RLF: variants seen among roughly 807,000 people sequenced by gnomAD.
The protein encoded by RLF is zinc finger protein Rlf.
RLF carries 7 observed loss-of-function variants against 162.9 expected under a neutral mutation model. The ratio of observed to expected loss-of-function variants is 0.04; its 90% CI spans 0.02 to 0.08. The LOEUF (loss-of-function observed/expected upper bound fraction) is 0.08. Among genes scored for constraint, RLF ranks in the 10% least tolerant of loss-of-function variants. RLF has a pLI of 1.00. For synonymous variants in RLF, 782 were observed against 791.5 expected, an observed-to-expected ratio of 0.99 and a Z score of 0.20; for missense variants, 1,664 against 2,244.7, an observed-to-expected ratio of 0.74 and a Z score of 5.23.
chr1:40,200,936 A>G (rs1250022142), intron 4 of RLF, among the ~76,000 whole-genome samples: 1 of 112,644 alleles, frequency 8.9e-6, no homozygotes, highest in Admixed American at 9.9e-5. Flanking sequence ...ACACACACAC[A>G]CACTGGTTTA....
At chr1:40,181,576 A>T (rs1251231690) in intron 1 of RLF, among the ~76,000 whole-genome samples, 1 of 152,184 alleles carries the variant, frequency 6.6e-6, no homozygotes. Context: ...TGTGTCTTTT[A>T]TGGATAACTC....
chr1:40,192,795 CT>C (rs1642576663), intron 3 of RLF, among the ~76,000 whole-genome samples: 1 of 152,072 alleles, frequency 6.6e-6, no homozygotes, highest in Non-Finnish European at 1.5e-5. Flanking sequence ...ATTAAGGATA[CT>C]TTTGGTAAGA....
chr1:40,206,824 C>T (rs549645089), intron 5 of RLF, among the ~76,000 whole-genome samples: 1 of 152,280 alleles, frequency 6.6e-6, no homozygotes, highest in East Asian at 1.9e-4. Context: ...GAATTGCCTT[C>T]CACAAGATAA....
At chr1:40,224,628 T>A (rs1357540553) in intron 6 of RLF, among the ~76,000 whole-genome samples, 1 of 42,526 alleles carries the variant, frequency 2.4e-5, no homozygotes, top group Non-Finnish European at 4.3e-5. Flanking sequence ...GAAAGCTTTT[T>A]TTTTTTTTTT....
intron 5 of RLF, among the ~76,000 whole-genome samples, chr1:40,213,367 G>GT (rs1466808021): frequency 1.3e-5 from 2 of 152,104 alleles, no homozygotes; most frequent in Admixed American, 1.3e-4. Flanking sequence ...TCAGCAGGAC[G>GT]TTTCAGCCTT....
At chr1:40,203,353 T>A (rs1486636739) in intron 5 of RLF, among the ~76,000 whole-genome samples, 1 of 151,916 alleles carries the variant, frequency 6.6e-6, no homozygotes, top group Non-Finnish European at 1.5e-5. Context: ...TGACTTCAAC[T>A]GATCCACCTG....
chr1:40,236,235 C>T lies in RLF; in HGVS notation c.1533C>T (p.Leu511=), dbSNP rs1643216072. The change falls in exon 8 of 8, where the codon CTC becomes CTT. Residue 511 remains leucine (L), a synonymous_variant. Transcript: ENST00000372771. The surrounding 1 kb of genome is among the most constrained non-coding windows in gnomAD (Gnocchi z 7.7). ...ACACAGATGTTTTAGAGTCATTTCT[C>T]AGTGACTATGATGAGGGTAAAGAAG... is the stretch of plus-strand genomic sequence containing the variant. ...INDTDVLESF[L]SDYDEGKEDK... 3 of 1,613,122 alleles carry T rather than the reference C, an allele frequency of 1.9e-6. No homozygotes were observed. Among genetic ancestry groups the T allele is most frequent in the East Asian group, 4.5e-5 (2 of 44,868 alleles).
chr1:40,239,762 A>G lies in RLF; in HGVS notation c.5060A>G (p.Asn1687Ser), dbSNP rs760181540. The G allele has an allele frequency of 1.8e-5, 29 of 1,614,184 alleles. 3 individuals are homozygous for G. The South Asian group carries it at 3.1e-4, about 17-fold the overall frequency. Reference sequence around the variant, plus strand: ...AAAACCACTTCCCTAGAACAGTGTAATATAGTTCAGCCTCCTCCTCCTTGT... The same window carrying G: ...AAAACCACTTCCCTAGAACAGTGTAGTATAGTTCAGCCTCCTCCTCCTTGT... ...SSKTTSLEQC[N>S]IVQPPPPCKI... Residue 1687 changes from asparagine to serine, a missense_variant, in exon 8 of 8, where the codon AAT becomes AGT. Around this residue, in one of 15 missense-constraint regions of RLF, gnomAD observed 327 missense variants for 342.7 expected, o/e 0.95. Transcript: ENST00000372771.
chr1:40,230,395 G>A (rs1036940997), intron 6 of RLF, among the ~76,000 whole-genome samples: 15 of 152,094 alleles, frequency 9.9e-5, no homozygotes, highest in Non-Finnish European at 1.8e-4. Flanking sequence ...CATGTATTAA[G>A]TGATAGCATT....
chr1:40,233,576 A>G (rs2124560673), intron 7 of RLF, among the ~76,000 whole-genome samples: 1 of 152,366 alleles, frequency 6.6e-6, no homozygotes, highest in Admixed American at 6.5e-5. Context: ...CTGTGGAGCC[A>G]CTAAAGCAAC....
At chr1:40,211,106 T>A (rs1390072772) in intron 5 of RLF, among the ~76,000 whole-genome samples, 1 of 152,230 alleles carries the variant, frequency 6.6e-6, no homozygotes, top group African/African-American at 2.4e-5. Context: ...GGTGAGTAGT[T>A]GTAACAGAAA....
chr1:40,212,779 A>G (rs2124548315), intron 5 of RLF, among the ~76,000 whole-genome samples: 1 of 152,234 alleles, frequency 6.6e-6, no homozygotes, highest in East Asian at 1.9e-4. Flanking sequence ...CCAGCCTAAC[A>G]CTGTTGGGAA....
intron 1 of RLF, among the ~76,000 whole-genome samples, chr1:40,182,749 A>ATAGGTAGG (rs147002616): frequency 0.014 from 1,537 of 111,042 alleles, 19 homozygotes; most frequent in African/African-American, 0.051. Context: ...AGACAGATAG[A>ATAGGTAGG]TAGGTAGATA....
Position 40,225,304 on chromosome 1 carries a change from C to T in RLF, c.947+2594C>T, listed in dbSNP as rs185339674. ...GTAAACTATGTAGCTATTGGCCAGG[C>T]GCAGTAGCTCACGCCTGTAATCCCA... On this transcript the variant is annotated intron_variant, in intron 6 of 7. Coordinates refer to ENST00000372771, the MANE Select transcript of RLF (RefSeq NM_012421.4). 4.7e-4 allele frequency among the ~76,000 whole-genome samples: 71 copies of T among 152,156 alleles called. 1 individual carries two copies. The highest frequency in any genetic ancestry group is 1.5e-3 in the African/African-American group (64 of 41,496).
intron 4 of RLF, among the ~76,000 whole-genome samples, chr1:40,199,446 A>G (rs980360603): frequency 5.3e-5 from 8 of 152,184 alleles, no homozygotes; most frequent in Non-Finnish European, 1.2e-4. Context: ...CATCCATGTG[A>G]GATGGGTATA....
chr1:40,216,628 T>G (rs1642927917), intron 5 of RLF, among the ~76,000 whole-genome samples: 1 of 152,006 alleles, frequency 6.6e-6, no homozygotes, highest in African/African-American at 2.4e-5. Context: ...TACAAAACAT[T>G]TACGGAAGAA....
chr1:40,201,934 C>T (rs894203575), intron 4 of RLF, among the ~76,000 whole-genome samples: 1 of 152,014 alleles, frequency 6.6e-6, no homozygotes, highest in Middle Eastern at 3.2e-3. Flanking sequence ...CTAGGACTAT[C>T]TCTCAGGTCT....
chr1:40,205,897 C>T (rs531475993), intron 5 of RLF, among the ~76,000 whole-genome samples: 13 of 152,250 alleles, frequency 8.5e-5, no homozygotes, highest in African/African-American at 3.1e-4. Flanking sequence ...TCATTGATTA[C>T]TCCTTTCTCA....
chr1:40,174,342 A>G (rs967548324), intron 1 of RLF, among the ~76,000 whole-genome samples: 5 of 152,004 alleles, frequency 3.3e-5, no homozygotes, highest in Non-Finnish European at 5.9e-5. Context: ...CTGCACTCCA[A>G]CATGGGTAAC....
Sources: allele counts gnomAD v4.1 joint callset (sites outside exome capture counted in the v4.1 genomes callset), GRCh38; gene constraint gnomAD v4.1.1; regional missense constraint gnomAD v4.1.1; non-coding constraint Gnocchi (gnomAD v3.1); transcripts MANE v1.5; gene names NCBI Gene and HGNC (gene_info 2026-07-23, HGNC 2026-07-21).